Variants in SIPA1L3 observed in about 807,000 individuals in gnomAD.
SIPA1L3 encodes the protein signal-induced proliferation-associated 1-like protein 3.
In SIPA1L3, 59 loss-of-function variants were observed where a neutral mutation model predicts 150.1. That is an observed-to-expected ratio of 0.39 (90% CI 0.32 to 0.49). The LOEUF is 0.49. Among genes scored for constraint, SIPA1L3 ranks in the 20% least tolerant of loss-of-function variants. SIPA1L3 has a pLI of 0.86. For missense variants in SIPA1L3, 2,211 were observed against 2,489.5 expected, an observed-to-expected ratio of 0.89 and a Z score of 2.38; for synonymous variants, 1,070 against 1,077.6, an observed-to-expected ratio of 0.99 and a Z score of 0.14.
intron 18 of SIPA1L3, among the ~76,000 whole-genome samples, chr19:38,196,751 G>T (rs1972960354): frequency 6.6e-6 from 1 of 150,496 alleles, no homozygotes; most frequent in Admixed American, 6.6e-5. Context: ...GGAGGCCGAG[G>T]GGGGAGCCAG....
intron 11 of SIPA1L3, among the ~76,000 whole-genome samples, chr19:38,142,204 A>G (rs1415429927): frequency 6.6e-6 from 1 of 152,212 alleles, no homozygotes; most frequent in Non-Finnish European, 1.5e-5. Flanking sequence ...AAGATATTAT[A>G]TATTAAAAGA....
At chr19:38,106,664 C>G in intron 7 of SIPA1L3, 24 bp downstream of exon 7, 1 of 1,537,764 alleles carries the variant, frequency 6.5e-7, no homozygotes, top group Non-Finnish European at 9.0e-7. Flanking sequence ...AGCAGAGGCA[C>G]GGCTGCCGGA....
intron 2 of SIPA1L3, among the ~76,000 whole-genome samples, chr19:38,043,665 T>C (rs1196096496): frequency 6.6e-6 from 1 of 152,194 alleles, no homozygotes; most frequent in Non-Finnish European, 1.5e-5. Flanking sequence ...ATGTTAACCA[T>C]TTACTGTTGC....
intron 6 of SIPA1L3, among the ~76,000 whole-genome samples, chr19:38,103,832 G>C (rs1026306840): frequency 1.4e-5 from 2 of 147,022 alleles, no homozygotes; most frequent in Non-Finnish European, 3.0e-5. Context: ...AACCCGCAAG[G>C]TGGAGCTTGC....
chr19:37,957,953 G>A (rs353426), intron 1 of SIPA1L3, among the ~76,000 whole-genome samples: 46,549 of 151,634 alleles, frequency 0.31, 8,855 homozygotes, highest in East Asian at 0.68. Context: ...GGCCCAAACA[G>A]TCCTCCTGCC....
At chr19:38,065,478 C>A (rs981125745) in intron 2 of SIPA1L3, among the ~76,000 whole-genome samples, 8 of 147,408 alleles carry the variant, frequency 5.4e-5, no homozygotes, top group African/African-American at 1.8e-4. Context: ...TACAGTGGTG[C>A]GATCTTGGCT....
chr19:38,144,009 GTC>G (rs1411211570), intron 12 of SIPA1L3, among the ~76,000 whole-genome samples: 1 of 152,174 alleles, frequency 6.6e-6, no homozygotes, highest in Non-Finnish European at 1.5e-5. Context: ...TAGGGGGACT[GTC>G]TGTATTTCAG....
chr19:38,045,268 T>G (rs1311565347), intron 2 of SIPA1L3, among the ~76,000 whole-genome samples: 1 of 151,762 alleles, frequency 6.6e-6, no homozygotes, highest in Non-Finnish European at 1.5e-5. Context: ...TCCCAGCTAC[T>G]CGGGAGGCTG....
chr19:38,141,036 C>T (rs974619407), intron 10 of SIPA1L3, 148 bp from the exon 11 acceptor site: 27 of 868,396 alleles, frequency 3.1e-5, no homozygotes, highest in African/African-American at 2.9e-4. Context: ...CCAGCCTGGG[C>T]GACAAAGCAA....
chr19:38,101,313 GTGGGGA>G lies in SIPA1L3; in HGVS notation c.2029+88_2029+93del. 8 of 952,918 alleles carry G rather than the reference GTGGGGA, an allele frequency of 8.4e-6. No homozygotes were observed. In the African/African-American group the frequency reaches 1.4e-4, roughly 16 times the overall value. 59.0% of individuals were successfully genotyped at this position (952,918 alleles called of 1,614,324 possible). On this transcript the variant is annotated intron_variant, in intron 6 of 21. Transcript: ENST00000222345. ...GCTTAAAAGGCCTGGGGATGCCACG[GTGGGGA>G]CGTGGAGCAGTGGGAGCTCTCAGAC...
At chr19:38,123,732 C>T (rs1031266936) in intron 9 of SIPA1L3, among the ~76,000 whole-genome samples, 17 of 152,060 alleles carry the variant, frequency 1.1e-4, no homozygotes, top group Non-Finnish European at 2.4e-4. Context: ...CTTTCTATTC[C>T]ACAAAACCGC....
chr19:37,976,820 T>TA (rs1967088793), intron 1 of SIPA1L3, among the ~76,000 whole-genome samples: 1 of 152,132 alleles, frequency 6.6e-6, no homozygotes, highest in Non-Finnish European at 1.5e-5. Context: ...TTTTATTAAG[T>TA]GCTGTGGTTA....
chr19:37,954,357 T>C (rs1372805334), intron 1 of SIPA1L3, among the ~76,000 whole-genome samples: 1 of 152,138 alleles, frequency 6.6e-6, no homozygotes, highest in Non-Finnish European at 1.5e-5. Context: ...GGGGTTTAAG[T>C]AGCTTTTTAT....
rs1288421985 is a variant in SIPA1L3, at chr19:38,047,550, C to T, written c.-311+18394C>T. ...AGGTTTGTGTTATTTTTTCCTCCTT[C>T]GACCTCGATCCCTCCTGCCACTCAC... On this transcript the variant is annotated intron_variant, in intron 2 of 21. Coordinates refer to ENST00000222345, the MANE Select transcript of SIPA1L3 (RefSeq NM_015073.3). The surrounding 1 kb of genome is among the most constrained non-coding windows in gnomAD (Gnocchi z 4.7). Among the ~76,000 whole-genome samples the T allele has an allele frequency of 6.6e-6, 1 of 152,170 alleles. No individual in the cohort carries two copies. The highest frequency in any genetic ancestry group is 1.5e-5 in the Non-Finnish European group (1 of 68,040).
At chr19:38,060,173 C>T (rs1285761107) in intron 2 of SIPA1L3, among the ~76,000 whole-genome samples, 2 of 152,184 alleles carry the variant, frequency 1.3e-5, no homozygotes, top group Non-Finnish European at 2.9e-5. Flanking sequence ...CTCTAAATAA[C>T]GTGGTTCCAG....
At chr19:38,075,985 A>C (rs1969828620) in intron 2 of SIPA1L3, among the ~76,000 whole-genome samples, 1 of 151,896 alleles carries the variant, frequency 6.6e-6, no homozygotes, top group Non-Finnish European at 1.5e-5. Flanking sequence ...TGAAAATACA[A>C]AAAATATTAG....
intron 1 of SIPA1L3, among the ~76,000 whole-genome samples, chr19:37,959,752 G>A (rs749695474): frequency 2.0e-5 from 3 of 147,868 alleles, no homozygotes; most frequent in Non-Finnish European, 3.0e-5. Context: ...CTTTATTGCC[G>A]TCTTTCTGAT....
intron 1 of SIPA1L3, among the ~76,000 whole-genome samples, chr19:38,002,528 A>T (rs1288443307): frequency 6.6e-6 from 1 of 151,010 alleles, no homozygotes; most frequent in African/African-American, 2.4e-5. Context: ...AGGTCAACAG[A>T]TTGAGACCAT....
chr19:37,996,831 G>A (rs1967647007), intron 1 of SIPA1L3, among the ~76,000 whole-genome samples: 1 of 152,018 alleles, frequency 6.6e-6, no homozygotes, highest in African/African-American at 2.4e-5. Context: ...CAAGTAGCTG[G>A]GATTACAGGC....
Sources: allele counts gnomAD v4.1 joint callset (sites outside exome capture counted in the v4.1 genomes callset), GRCh38; gene constraint gnomAD v4.1.1; non-coding constraint Gnocchi (gnomAD v3.1); transcripts MANE v1.5; gene names NCBI Gene and HGNC (gene_info 2026-07-23, HGNC 2026-07-21).